Variants in KANTR observed in about 807,000 individuals in gnomAD.
The protein encoded by KANTR is KDM5C adjacent transcript.
At chrX:53,136,341 C>A (rs1467237886) in intron 2 of KANTR, among the ~76,000 whole-genome samples, 1 of 109,092 alleles carries the variant, frequency 9.2e-6, no homozygotes, top group Non-Finnish European at 1.9e-5. Flanking sequence ...TGGGTTCAAG[C>A]GGTTCTCCTG....
chrX:53,136,732 T>TATATATATATATATA (rs1933430807), intron 2 of KANTR, among the ~76,000 whole-genome samples: 1 of 21,541 alleles, frequency 4.6e-5, no homozygotes. Context: ...ATATATATAT[T>TATATATATATATATA]TTGTTTGTTT....
intron 2 of KANTR, among the ~76,000 whole-genome samples, chrX:53,135,970 A>G (rs1449232199): frequency 8.9e-6 from 1 of 112,005 alleles, no homozygotes; most frequent in Non-Finnish European, 1.9e-5. Context: ...TCTATACAAC[A>G]GCCCTATCCT....
downstream of KANTR, among the ~76,000 whole-genome samples, chrX:53,147,296 A>G (rs145344986): frequency 3.0e-4 from 34 of 111,809 alleles, no homozygotes; most frequent in African/African-American, 1.0e-3. Flanking sequence ...ATGGAAAACA[A>G]AAAAAGGCAG....
At chrX:53,130,959 C>CA (rs1489632964), downstream of KANTR, among the ~76,000 whole-genome samples, 1 of 111,213 alleles carries the variant, frequency 9.0e-6, no homozygotes, top group Non-Finnish European at 1.9e-5. Flanking sequence ...GGAACAGTGA[C>CA]AGAGGGATAA....
chrX:53,129,235 TTG>T (rs57493383), downstream of KANTR, among the ~76,000 whole-genome samples: 118 of 83,294 alleles, frequency 1.4e-3, no homozygotes, highest in African/African-American at 4.2e-3. Flanking sequence ...GCCTGGCTAT[TTG>T]TGTGTGTGTG....
intron 2 of KANTR, among the ~76,000 whole-genome samples, chrX:53,113,521 C>A (rs1556814102): frequency 4.1e-5 from 4 of 98,015 alleles, no homozygotes; most frequent in Non-Finnish European, 8.2e-5. Context: ...CTGGTGCTTT[C>A]TTTTGTTCCT....
chrX:53,117,656 C>T (rs1435121567), intron 2 of KANTR, among the ~76,000 whole-genome samples: 6 of 96,382 alleles, frequency 6.2e-5, no homozygotes, highest in Non-Finnish European at 1.0e-4. Flanking sequence ...TCACTTGTCG[C>T]CCAGGCTGTA....
exon 3 of KANTR, chrX:53,124,693 G>A (rs1388863361): frequency 7.6e-6 from 2 of 262,720 alleles, no homozygotes; most frequent in African/African-American, 5.6e-5. Context: ...ATATAGAAAT[G>A]TGTTTTTAGA....
downstream of KANTR, among the ~76,000 whole-genome samples, chrX:53,145,413 A>C (rs1933560245): frequency 8.9e-6 from 1 of 111,872 alleles, no homozygotes; most frequent in Non-Finnish European, 1.9e-5. Flanking sequence ...TTGCTAGCAC[A>C]GCAGTCTGAG....
chrX:53,114,586 A>T (rs1393373109), intron 2 of KANTR, among the ~76,000 whole-genome samples: 2 of 112,006 alleles, frequency 1.8e-5, no homozygotes, highest in Non-Finnish European at 3.8e-5. Context: ...GTCTGGGTCC[A>T]TGGGGTTTGG....
At chrX:53,136,117 G>A (rs1308645028) in intron 2 of KANTR, among the ~76,000 whole-genome samples, 4 of 112,031 alleles carry the variant, frequency 3.6e-5, no homozygotes, top group African/African-American at 1.3e-4. Context: ...TCCTCTCTGT[G>A]AATCCAGTTC....
chrX:53,109,394 C>T (rs782170529), intron 2 of KANTR, among the ~76,000 whole-genome samples: 2 of 112,297 alleles, frequency 1.8e-5, no homozygotes, highest in Non-Finnish European at 3.8e-5. Flanking sequence ...AAACGATTCT[C>T]CTGCCTCAGC....
chrX:53,145,090 G>T (rs939009033), downstream of KANTR, among the ~76,000 whole-genome samples: 7 of 111,624 alleles, frequency 6.3e-5, no homozygotes, highest in Non-Finnish European at 1.3e-4. Context: ...TGCAGAAGAC[G>T]GGTGATTTCT....
At chrX:53,135,086 A>G (rs1556817455) in intron 2 of KANTR, among the ~76,000 whole-genome samples, 1 of 112,085 alleles carries the variant, frequency 8.9e-6, no homozygotes, top group Non-Finnish European at 1.9e-5. Flanking sequence ...AAGGATTCAG[A>G]TGCATCCCTC....
intron 2 of KANTR, among the ~76,000 whole-genome samples, chrX:53,110,583 C>T (rs1396022312): frequency 2.7e-5 from 3 of 111,565 alleles, no homozygotes; most frequent in Admixed American, 1.9e-4. Flanking sequence ...ATTTTCTTTT[C>T]CTCTAGTGTC....
chrX:53,135,767 T>TC (rs1449069381), intron 2 of KANTR, among the ~76,000 whole-genome samples: 2 of 111,663 alleles, frequency 1.8e-5, no homozygotes, highest in Non-Finnish European at 3.8e-5. Context: ...CTTGCAGAAG[T>TC]CCCAGCCAAC....
At chrX:53,101,308 A>T (rs1932890975) in intron 2 of KANTR, among the ~76,000 whole-genome samples, 1 of 112,329 alleles carries the variant, frequency 8.9e-6, no homozygotes. Flanking sequence ...TTTGATTTAA[A>T]GTGAGAGATG....
At position 53,110,284 on chromosome X, in the gene KANTR, T is replaced by G. The variant is rs781850701; in HGVS notation, c.-805+10676T>G. The stretch of plus-strand genomic sequence containing the variant: ...ATTGAGTATGATGGTAGCTGTGGGT[T>G]TGTTATATATGGTATTTATTACGTT... On this transcript the variant is annotated intron_variant, in intron 2 of 2. Transcript: ENST00000604062. Among the ~76,000 whole-genome samples, 7 of 111,830 alleles carry G rather than the reference T, an allele frequency of 6.3e-5. No homozygotes were observed. The South Asian group carries it at 2.6e-3, about 41-fold the overall frequency.
At chrX:53,143,554 A>G (rs1475909717), downstream of KANTR, 32 of 622,766 alleles carry the variant, frequency 5.1e-5, no homozygotes, top group Middle Eastern at 6.4e-4. Context: ...ACATGATCTG[A>G]GTCATCTTTT....
Sources: gnomAD v4.1 joint callset for allele counts (sites outside exome capture counted in the v4.1 genomes callset) on GRCh38, gnomAD v4.1.1 for gene constraint, MANE v1.5 for transcripts, NCBI Gene and HGNC (gene_info 2026-07-23, HGNC 2026-07-21) for gene names.